KNDC1: variants seen among roughly 807,000 people sequenced by gnomAD.
KNDC1 encodes the protein kinase non-catalytic C-lobe domain containing 1.
A neutral mutation model predicts 172.8 loss-of-function variants in KNDC1; 106 were observed. The ratio of observed to expected loss-of-function variants is 0.61; its 90% CI spans 0.52 to 0.72. The LOEUF is 0.72. Among genes scored for constraint, KNDC1 ranks in the 30% least tolerant of loss-of-function variants. The pLI, the probability that KNDC1 is intolerant of heterozygous loss-of-function variation, is 0.00. For missense variants in KNDC1, 2,325 were observed against 2,394.5 expected (o/e 0.97, Z 0.61); for synonymous variants, 1,083 against 1,062.2 (o/e 1.02, Z -0.38).
At chr10:133,174,182 G>C (rs1028215974) in intron 3 of KNDC1, 26 of 152,286 alleles carry the variant, frequency 1.7e-4, no homozygotes, top group African/African-American at 6.3e-4. Context: ...ATCCAATAAT[G>C]CTGGGACATG....
At chr10:133,214,822 C>T (rs1845442473) in intron 26 of KNDC1, among the ~76,000 whole-genome samples, 1 of 152,240 alleles carries the variant, frequency 6.6e-6, no homozygotes, top group Admixed American at 6.5e-5. Flanking sequence ...CCTGCCCCAC[C>T]TGCTGTCAGG....
rs538053338 is a variant in KNDC1, at chr10:133,166,036, C to T, written c.103-1345C>T. Among the ~76,000 whole-genome samples, 8 of 152,374 alleles carry T rather than the reference C, an allele frequency of 5.3e-5. No homozygotes were observed. In the East Asian group the frequency reaches 1.5e-3, roughly 29 times the overall value. On this transcript the variant is annotated intron_variant, in intron 1 of 29. Coordinates refer to ENST00000304613, the MANE Select transcript of KNDC1 (RefSeq NM_152643.8). ...CCCACCGGGCGCCCATGCCCTGATC[C>T]CGTCGTTTGTTGGCCTCCTGCTTTG...
chr10:133,169,794 G>A (rs983700220), intron 3 of KNDC1, among the ~76,000 whole-genome samples: 1 of 152,252 alleles, frequency 6.6e-6, no homozygotes, highest in Non-Finnish European at 1.5e-5. Context: ...GATCCCTGGT[G>A]CACATGAGGG....
At chr10:133,173,605 G>T (rs11101607) in intron 3 of KNDC1, among the ~76,000 whole-genome samples, 16,159 of 152,182 alleles carry the variant, frequency 0.11, 1,766 homozygotes, top group African/African-American at 0.28. Context: ...GAAAAATGCA[G>T]ATATCACAAA....
chr10:133,171,152 C>T (rs1213246749), intron 3 of KNDC1, among the ~76,000 whole-genome samples: 3 of 152,222 alleles, frequency 2.0e-5, no homozygotes, highest in African/African-American at 7.2e-5. Flanking sequence ...ACATTTGATC[C>T]ACCTGAAGTT....
chr10:133,210,183 C>T lies in KNDC1; in HGVS notation c.3795-428C>T, dbSNP rs1280059916. ...GGCAGATCACCTGAGGTCAGGAGTT[C>T]GAGACCAGCCTGGGAAACATGGTGA... On this transcript the variant is annotated intron_variant, in intron 20 of 29. Transcript: ENST00000304613. Among the ~76,000 whole-genome samples, 3 of 151,822 alleles carry T rather than the reference C, an allele frequency of 2.0e-5. 1 individual carries two copies. The highest frequency in any genetic ancestry group is 4.8e-5 in the African/African-American group (2 of 41,322).
rs186632462 is a variant in KNDC1, at chr10:133,166,970, T to C, written c.103-411T>C. Among the ~76,000 whole-genome samples, 72 of 152,330 alleles carry C rather than the reference T, an allele frequency of 4.7e-4. No homozygotes were observed. The East Asian group carries it at 0.013, about 27-fold the overall frequency. Reference sequence around the variant, plus strand: ...TGTCAGGATCACGCCCCGTTAGCTCTGCACGAGTCCACAGTTGGGGATGTC... The same window carrying C: ...TGTCAGGATCACGCCCCGTTAGCTCCGCACGAGTCCACAGTTGGGGATGTC... On this transcript the variant is annotated intron_variant, in intron 1 of 29. Coordinates refer to ENST00000304613, the MANE Select transcript of KNDC1 (RefSeq NM_152643.8).
At position 133,198,825 on chromosome 10, in the gene KNDC1, G is replaced by A. The variant is rs755672384; in HGVS notation, c.2317G>A (p.Ala773Thr). Reference protein sequence around the residue: ...PQAPANQPEGASSAAPGSPVP... With the variant: ...PQAPANQPEGTSSAAPGSPVP... The stretch of plus-strand genomic sequence containing the variant: ...GGCCCCAGCAAACCAGCCAGAGGGG[G>A]CCTCATCGGCAGCTCCCGGCTCTCC... The change falls in exon 14 of 30, where the codon GCC (alanine) becomes ACC (threonine). Residue 773 changes from alanine to threonine, a missense_variant. Physicochemically the swap from Ala to Thr is moderately conservative, Grantham distance 58. Coordinates refer to ENST00000304613, the MANE Select transcript of KNDC1 (RefSeq NM_152643.8). The A allele has an allele frequency of 1.9e-6, 3 of 1,599,798 alleles. No homozygotes were observed. Among genetic ancestry groups the A allele is most frequent in the East Asian group, 2.3e-5 (1 of 44,320 alleles).
intron 15 of KNDC1, 112 bp downstream of exon 15, chr10:133,199,714 T>C: frequency 2.4e-6 from 3 of 1,236,356 alleles, no homozygotes; most frequent in Non-Finnish European, 3.4e-6. Context: ...CGCTTCCATC[T>C]CGCTGCTGTC....
At chr10:133,188,049 C>T (rs1166121280) in intron 6 of KNDC1, among the ~76,000 whole-genome samples, 1 of 152,064 alleles carries the variant, frequency 6.6e-6, no homozygotes, top group Non-Finnish European at 1.5e-5. Flanking sequence ...CCTCACGGTT[C>T]CTCCCCAGGG....
rs1248682254 is a variant in KNDC1 at position 133,213,707 on chromosome 10, C to A, written c.4506C>A (p.Asp1502Glu). 1.9e-6 allele frequency: 3 copies of A among 1,613,924 alleles called. No individual in the cohort carries two copies. In the Admixed American group the frequency reaches 5.0e-5, roughly 27 times the overall value. ...FLNSRALGVM[D>E]KSTAIPKASS... ...ACTCACGGGCCCTGGGCGTCATGGACAAGAGCACTGCCATCCCCAAGTGAG... is the reference window on the plus strand; with the variant it reads ...ACTCACGGGCCCTGGGCGTCATGGAAAAGAGCACTGCCATCCCCAAGTGAG... The change falls in exon 25 of 30, where the codon GAC becomes GAA. Residue 1502 changes from aspartate (D) to glutamate (E), a missense_variant. By Grantham distance (45) the Asp-to-Glu change is conservative. Transcript: ENST00000304613.
chr10:133,210,865 G>C (rs1012218361), intron 21 of KNDC1, 141 bp downstream of exon 21: 1 of 746,910 alleles, frequency 1.3e-6, no homozygotes, highest in African/African-American at 1.7e-5. Context: ...AGCCTGGCTG[G>C]AGGTCCGGCT....
rs906595473 is a variant in KNDC1, at chr10:133,214,041, G to A, written c.4596G>A (p.Lys1532=). 6.2e-7 allele frequency: 1 copy of A among 1,614,226 alleles called. No homozygotes were observed. Among genetic ancestry groups the A allele is most frequent in the Non-Finnish European group, 8.5e-7 (1 of 1,180,024 alleles). ...TTCTGCCCAATTACGTTCAGGACAA[G>A]TATCTGTTACAGCTTCTAAGAAACG... is the stretch of plus-strand genomic sequence containing the variant. ...SLFLPNYVQD[K]YLLQLLRNAD... The change falls in exon 26 of 30, where the codon AAG becomes AAA. Residue 1532 remains lysine, a synonymous_variant. Coordinates refer to ENST00000304613, the MANE Select transcript of KNDC1 (RefSeq NM_152643.8).
intron 3 of KNDC1, among the ~76,000 whole-genome samples, chr10:133,172,440 G>GTATA (rs1327624469): frequency 3.3e-5 from 5 of 152,110 alleles, no homozygotes; most frequent in Admixed American, 6.5e-5. Flanking sequence ...CTTGCCTTTT[G>GTATA]TATACACTGT....
intron 28 of KNDC1, 45 bp from the exon 29 acceptor site, chr10:133,219,910 C>A: frequency 2.0e-6 from 3 of 1,532,608 alleles, no homozygotes; most frequent in Non-Finnish European, 2.6e-6. Context: ...CCTGCACTGA[C>A]CACGCCCTGT....
chr10:133,171,482 G>T (rs938120849), intron 3 of KNDC1, among the ~76,000 whole-genome samples: 1 of 152,166 alleles, frequency 6.6e-6, no homozygotes, highest in African/African-American at 2.4e-5. Context: ...CTGTTGCCCA[G>T]GCTGGTCTTG....
In KNDC1 at chr10:133,199,195, C is replaced by T. The variant is rs1311711731; in HGVS notation, c.2687C>T (p.Ala896Val). Reference sequence around the variant, plus strand: ...ACGGCCTGCCCGTCGCTGCAGGAGGCCACGCGCCTCATCCAGGAGGAATTT... The same window carrying T: ...ACGGCCTGCCCGTCGCTGCAGGAGGTCACGCGCCTCATCCAGGAGGAATTT... ...GRTACPSLQE[A>V]TRLIQEEFAF... is the part of the protein sequence containing the mutation. Residue 896 changes from alanine (A) to valine (V), a missense_variant, in exon 14 of 30, where the codon GCC (alanine) becomes GTC (valine). By Grantham distance (64) the Ala-to-Val change is moderately conservative (BLOSUM62 0). Transcript: ENST00000304613. 2.5e-6 allele frequency: 4 copies of T among 1,585,104 alleles called. No homozygotes were observed. In the South Asian group the frequency reaches 4.6e-5, roughly 18 times the overall value.
At position 133,160,439 on chromosome 10, in the gene KNDC1, C is replaced by A. The variant is rs1230941088; in HGVS notation, c.-29C>A. 1 of 1,466,030 alleles carries A rather than the reference C, an allele frequency of 6.8e-7. No individual in the cohort carries two copies. 90.8% of individuals were successfully genotyped at this position (1,466,030 alleles called of 1,614,324 possible). A position where few individuals can be genotyped will look rare whatever the true frequency, so the allele number is the denominator to read the frequency against. ...GCCCAGCCCAGCCCAGCCGGAGGCC[C>A]CGGGGGCGGTGCGCGGCGCGGCCGC... On this transcript the variant is annotated 5_prime_UTR_variant, in exon 1 of 30. Transcript: ENST00000304613.
chr10:133,214,458 C>T (rs1005386176), intron 26 of KNDC1, among the ~76,000 whole-genome samples: 9 of 152,302 alleles, frequency 5.9e-5, no homozygotes, highest in East Asian at 1.9e-4. Context: ...GGCTGTGGGC[C>T]GCCTGGAGAC....
Sources: allele counts gnomAD v4.1 joint callset (sites outside exome capture counted in the v4.1 genomes callset), GRCh38; gene constraint gnomAD v4.1.1; transcripts MANE v1.5; gene names NCBI Gene and HGNC (gene_info 2026-07-23, HGNC 2026-07-21).